SYN3: variants seen among roughly 807,000 people sequenced by gnomAD.
SYN3 encodes synapsin-3.
SYN3 carries 35 observed loss-of-function variants against 65.8 expected under a neutral mutation model. The observed-to-expected ratio is 0.53, with a 90% CI of 0.41 to 0.70. The LOEUF is 0.70. Among genes scored for constraint, SYN3 ranks in the 30% least tolerant of loss-of-function variants. The probability of loss-of-function intolerance (pLI) is 0.00; values close to 1 mark genes in which losing one functional copy is unlikely to be tolerated. For missense variants in SYN3, 680 were observed against 749.0 expected (o/e 0.91, Z 1.08); for synonymous variants, 270 against 292.9 (o/e 0.92, Z 0.80).
intron 7 of SYN3, among the ~76,000 whole-genome samples, 188 bp from the exon 8 acceptor site, chr22:32,541,901 T>C (rs971687241): frequency 1.3e-5 from 2 of 151,286 alleles, no homozygotes; most frequent in Non-Finnish European, 2.9e-5. Context: ...AGGAAGGGAG[T>C]GATTCTGCTT....
intron 7 of SYN3, among the ~76,000 whole-genome samples, chr22:32,581,853 G>A (rs1002006412): frequency 5.7e-5 from 8 of 140,410 alleles, no homozygotes; most frequent in Non-Finnish European, 1.1e-4. Flanking sequence ...TTGGAGTGCG[G>A]TGGTGTGATG....
chr22:33,048,019 T>C (rs2054098469), intron 1 of SYN3, among the ~76,000 whole-genome samples: 1 of 152,142 alleles, frequency 6.6e-6, no homozygotes. Flanking sequence ...TTCAGGGGCA[T>C]GAGAATGAAT....
chr22:32,530,726 T>C (rs887945738), intron 10 of SYN3, among the ~76,000 whole-genome samples: 7 of 152,118 alleles, frequency 4.6e-5, no homozygotes, highest in Non-Finnish European at 8.8e-5. Context: ...GAATACTGGC[T>C]GGGCGCGGTG....
At chr22:32,756,720 C>T (rs546575345) in intron 6 of SYN3, among the ~76,000 whole-genome samples, 65 of 152,300 alleles carry the variant, frequency 4.3e-4, no homozygotes, top group African/African-American at 1.5e-3. Context: ...ACCTCTCTCA[C>T]CATGTGACTT....
chr22:32,978,548 A>G (rs1393097836), intron 3 of SYN3, among the ~76,000 whole-genome samples: 1 of 151,942 alleles, frequency 6.6e-6, no homozygotes, highest in Non-Finnish European at 1.5e-5. Context: ...CACCATCTCC[A>G]CTTGTTGACA....
At chr22:32,875,663 G>A (rs2048963993) in intron 4 of SYN3, among the ~76,000 whole-genome samples, 1 of 152,164 alleles carries the variant, frequency 6.6e-6, no homozygotes, top group Admixed American at 6.5e-5. Context: ...ACACACACAG[G>A]GGAAGAGAAT....
intron 3 of SYN3, among the ~76,000 whole-genome samples, chr22:32,971,169 T>A (rs951276971): frequency 3.3e-5 from 5 of 152,238 alleles, no homozygotes; most frequent in Non-Finnish European, 7.3e-5. Context: ...CTTAAGTTGA[T>A]GAGCCTAAAG....
chr22:32,727,381 T>C (rs1228224926), intron 6 of SYN3, among the ~76,000 whole-genome samples: 2 of 152,246 alleles, frequency 1.3e-5, no homozygotes, highest in African/African-American at 4.8e-5. Flanking sequence ...CCTTATCCAG[T>C]CTACCATTGA....
At chr22:32,895,423 A>G (rs2049564036) in intron 4 of SYN3, among the ~76,000 whole-genome samples, 1 of 152,208 alleles carries the variant, frequency 6.6e-6, no homozygotes, top group Non-Finnish European at 1.5e-5. Flanking sequence ...TTTATCTATC[A>G]TCTACTATTG....
rs73881705 is a variant in SYN3 at position 32,526,851 on chromosome 22, T to C, written c.1318+1067A>G. ...GGTTTTTAAGAAGATCCTTAAAAGA[T>C]TGCAGCGAGACTGCCTGCTTTGGTT... is the stretch of plus-strand genomic sequence containing the variant. On this transcript the variant is annotated intron_variant, in intron 12 of 13. Coordinates refer to ENST00000358763, the MANE Select transcript of SYN3 (RefSeq NM_003490.4). Among the ~76,000 whole-genome samples the C allele has an allele frequency of 4.0e-3, 610 of 152,308 alleles. 3 individuals are homozygous for C. Among genetic ancestry groups the C allele is most frequent in the African/African-American group, 0.012 (499 of 41,568 alleles).
At chr22:32,950,590 G>A (rs866427128) in intron 3 of SYN3, among the ~76,000 whole-genome samples, 14 of 147,278 alleles carry the variant, frequency 9.5e-5, no homozygotes, top group Middle Eastern at 3.4e-3. Context: ...CAGGAGGCCC[G>A]GATGTCCTGC....
At chr22:32,948,685 C>T (rs1004201788) in intron 3 of SYN3, among the ~76,000 whole-genome samples, 38 of 151,924 alleles carry the variant, frequency 2.5e-4, no homozygotes, top group African/African-American at 8.7e-4. Context: ...TGCAGTGAGC[C>T]GAGATCGCGT....
intron 6 of SYN3, among the ~76,000 whole-genome samples, chr22:32,650,434 T>C (rs2060052848): frequency 6.6e-6 from 1 of 151,938 alleles, no homozygotes; most frequent in African/African-American, 2.4e-5. Context: ...GCCTGGCTAA[T>C]TTTTGCATTT....
intron 3 of SYN3, among the ~76,000 whole-genome samples, chr22:32,940,006 A>G (rs1304681575): frequency 2.0e-5 from 3 of 152,190 alleles, no homozygotes; most frequent in African/African-American, 7.2e-5. Context: ...TGTCTTTTTC[A>G]ACACTTAGTA....
intron 7 of SYN3, among the ~76,000 whole-genome samples, chr22:32,576,047 G>T (rs1319460204): frequency 6.6e-6 from 1 of 152,094 alleles, no homozygotes; most frequent in Non-Finnish European, 1.5e-5. Flanking sequence ...TGGTGAGGGG[G>T]TAATATCAAG....
intron 7 of SYN3, among the ~76,000 whole-genome samples, chr22:32,544,197 C>G (rs76227206): frequency 0.044 from 6,699 of 152,322 alleles, 181 homozygotes; most frequent in Non-Finnish European, 0.067. Flanking sequence ...CTCGGCCTTC[C>G]AAAGTGCTGG....
chr22:32,516,467 G>C (rs183769973), intron 13 of SYN3, among the ~76,000 whole-genome samples: 1 of 152,038 alleles, frequency 6.6e-6, no homozygotes, highest in Admixed American at 6.5e-5. Context: ...AGGTTCAAGC[G>C]ATTCTCCTGC....
intron 8 of SYN3, among the ~76,000 whole-genome samples, chr22:32,538,828 A>T (rs1450382936): frequency 6.6e-6 from 1 of 152,158 alleles, no homozygotes; most frequent in Non-Finnish European, 1.5e-5. Flanking sequence ...AGTAATGCTC[A>T]TCTCCCTTCT....
chr22:32,961,231 G>A (rs2051642334), intron 3 of SYN3, among the ~76,000 whole-genome samples: 1 of 152,174 alleles, frequency 6.6e-6, no homozygotes, highest in Non-Finnish European at 1.5e-5. Context: ...TCCTGTTGGG[G>A]GGATTGGGGC....
Sources: gnomAD v4.1 joint callset for allele counts (sites outside exome capture counted in the v4.1 genomes callset) on GRCh38, gnomAD v4.1.1 for gene constraint, MANE v1.5 for transcripts, NCBI Gene and HGNC (gene_info 2026-07-23, HGNC 2026-07-21) for gene names.